ATG14: variants seen among roughly 807,000 people sequenced by gnomAD.
ATG14 encodes the protein beclin 1-associated autophagy-related key regulator.
ATG14 carries 35 observed loss-of-function variants against 60.4 expected under a neutral mutation model. That is an observed-to-expected ratio of 0.58 (90% CI 0.44 to 0.77). The LOEUF (loss-of-function observed/expected upper bound fraction) is 0.77, where lower values mean the gene tolerates loss of function less well. Among genes scored for constraint, ATG14 ranks in the 30% least tolerant of loss-of-function variants. ATG14 has a pLI of 0.00. For synonymous variants in ATG14, 234 were observed against 228.8 expected, an observed-to-expected ratio of 1.02 and a Z score of -0.21; for missense variants, 647 against 626.3, an observed-to-expected ratio of 1.03 and a Z score of -0.35.
In ATG14 at chr14:55,391,886, T is replaced by C. The variant is rs190678296; in HGVS notation, c.328-894A>G. On this transcript the variant is annotated intron_variant, in intron 3 of 9. Coordinates refer to ENST00000247178, the MANE Select transcript of ATG14 (RefSeq NM_014924.5). ...AATAAAAATGGCAAAAAACATTATT[T>C]TTTCAGTGCATAACTCAAGTAAGAT... Among the ~76,000 whole-genome samples the C allele has an allele frequency of 3.6e-3, 550 of 152,304 alleles. 2 individuals are homozygous for C. The highest frequency in any genetic ancestry group is 6.0e-3 in the Non-Finnish European group (408 of 68,014).
intron 9 of ATG14, among the ~76,000 whole-genome samples, chr14:55,375,808 G>A (rs1198796682): frequency 2.0e-5 from 3 of 152,126 alleles, no homozygotes; most frequent in Non-Finnish European, 4.4e-5. Flanking sequence ...TGTTAACACA[G>A]CACTGATAGT....
intron 5 of ATG14, among the ~76,000 whole-genome samples, chr14:55,385,070 G>A (rs933103318): frequency 7.2e-5 from 11 of 152,082 alleles, no homozygotes; most frequent in African/African-American, 2.2e-4. Context: ...TCTTAGCAGC[G>A]GTCACCAGGA....
chr14:55,383,460 A>G (rs971514273), intron 5 of ATG14, among the ~76,000 whole-genome samples: 2 of 152,156 alleles, frequency 1.3e-5, no homozygotes, highest in Non-Finnish European at 2.9e-5. Flanking sequence ...CTAAGGCAGG[A>G]GAATTGCTTG....
At chr14:55,377,721 GT>G in intron 9 of ATG14, 97 bp downstream of exon 9, 2 of 813,044 alleles carry the variant, frequency 2.5e-6, no homozygotes, top group Non-Finnish European at 3.8e-6. Flanking sequence ...GGTTTGAGGA[GT>G]TTGGGATTAG....
At chr14:55,385,154 A>G (rs1885101781) in intron 5 of ATG14, among the ~76,000 whole-genome samples, 1 of 152,226 alleles carries the variant, frequency 6.6e-6, no homozygotes, top group African/African-American at 2.4e-5. Context: ...TGTATTTGTC[A>G]TGATTTCTCT....
chr14:55,393,548 A>ATT (rs776111828), intron 3 of ATG14, among the ~76,000 whole-genome samples: 126 of 142,918 alleles, frequency 8.8e-4, no homozygotes, highest in African/African-American at 3.1e-3. Flanking sequence ...ATCTTTTCAG[A>ATT]TTTTTTTTTT....
intron 1 of ATG14, among the ~76,000 whole-genome samples, chr14:55,407,893 A>G (rs1885514865): frequency 6.6e-6 from 1 of 152,134 alleles, no homozygotes; most frequent in African/African-American, 2.4e-5. Flanking sequence ...CAAGGTATCA[A>G]TCAGGAGGAA....
Position 55,381,933 on chromosome 14 carries a change from T to C in ATG14, c.877+29A>G, listed in dbSNP as rs115525601. The stretch of plus-strand genomic sequence containing the variant: ...TTTTACCTATAACTCTCTCTATATA[T>C]AGATTTCAAAGGATATGCTGCTTCT... On this transcript the variant is annotated intron_variant, in intron 6 of 9. Transcript: ENST00000247178. 3,819 of 1,574,372 alleles carry C rather than the reference T, an allele frequency of 2.4e-3. 77 individuals carry two copies. The African/African-American group carries it at 0.042, about 17-fold the overall frequency.
At chr14:55,372,181 C>T (rs1040697177) in intron 9 of ATG14, among the ~76,000 whole-genome samples, 6 of 152,116 alleles carry the variant, frequency 3.9e-5, no homozygotes, top group Non-Finnish European at 5.9e-5. Context: ...CTCCTCCCCT[C>T]CCACCTCCCA....
intron 9 of ATG14, 22 bp from the exon 10 acceptor site, chr14:55,369,947 C>G: frequency 6.4e-7 from 1 of 1,569,140 alleles, no homozygotes; most frequent in African/African-American, 1.4e-5. Context: ...CAATGAGGGT[C>G]TCTTTAGGAT....
At chr14:55,391,068 C>A in intron 3 of ATG14, 76 bp from the exon 4 acceptor site, 1 of 951,794 alleles carries the variant, frequency 1.1e-6, no homozygotes. Flanking sequence ...GGGATCACTG[C>A]TTATTTTCAG....
chr14:55,397,451 CA>C lies in ATG14; in HGVS notation c.222-18del, dbSNP rs1885331806. ...TCGATAAACCTGTAACAAAAAAATT[CA>C]ATGTCTTATTTAAATGGTCATTTTT... On this transcript the variant is annotated intron_variant, in intron 1 of 9. Transcript: ENST00000247178. 2.5e-6 allele frequency: 4 copies of C among 1,598,810 alleles called. No homozygotes were observed. Among genetic ancestry groups the C allele is most frequent in the Non-Finnish European group, 3.4e-6 (4 of 1,166,864 alleles).
chr14:55,393,177 T>C (rs143440915), intron 3 of ATG14, among the ~76,000 whole-genome samples: 1,787 of 152,054 alleles, frequency 0.012, 16 homozygotes, highest in Non-Finnish European at 0.018. Flanking sequence ...GTCAGGAGAT[T>C]GAGACCATCC....
At chr14:55,379,380 A>G (rs1172034449) in intron 7 of ATG14, among the ~76,000 whole-genome samples, 10 of 151,952 alleles carry the variant, frequency 6.6e-5, no homozygotes, top group African/African-American at 1.9e-4. Flanking sequence ...ATACAAAAAA[A>G]TACAAAAAAA....
At position 55,398,511 on chromosome 14, in the gene ATG14, C is replaced by T. The variant is rs193089555; in HGVS notation, c.222-1077G>A. 4.8e-4 allele frequency among the ~76,000 whole-genome samples: 73 copies of T among 152,192 alleles called. No individual in the cohort carries two copies. In the East Asian group the frequency reaches 0.013, roughly 28 times the overall value. On this transcript the variant is annotated intron_variant, in intron 1 of 9. Coordinates refer to ENST00000247178, the MANE Select transcript of ATG14 (RefSeq NM_014924.5). Reference sequence around the variant, plus strand: ...AAACTTTTAATCTTCCATAAGAATCCTTCTTTTACCCATCCATTATTTAGA... The same window carrying T: ...AAACTTTTAATCTTCCATAAGAATCTTTCTTTTACCCATCCATTATTTAGA...
At chr14:55,407,110 C>T (rs2140154464) in intron 1 of ATG14, among the ~76,000 whole-genome samples, 1 of 152,026 alleles carries the variant, frequency 6.6e-6, no homozygotes, top group Middle Eastern at 3.4e-3. Flanking sequence ...TACAGGCCTG[C>T]AACACAACAC....
At chr14:55,384,875 G>C (rs552101130) in intron 5 of ATG14, among the ~76,000 whole-genome samples, 2 of 152,182 alleles carry the variant, frequency 1.3e-5, no homozygotes, top group African/African-American at 2.4e-5. Flanking sequence ...GCAGCATCAG[G>C]GAAGTTTAAA....
intron 1 of ATG14, among the ~76,000 whole-genome samples, chr14:55,400,199 A>T (rs1204935783): frequency 6.6e-6 from 1 of 152,192 alleles, no homozygotes; most frequent in Admixed American, 6.5e-5. Flanking sequence ...CCCACCACTC[A>T]CAGAAGGAGA....
At chr14:55,389,151 T>A (rs1296096926) in intron 4 of ATG14, among the ~76,000 whole-genome samples, 2 of 152,210 alleles carry the variant, frequency 1.3e-5, no homozygotes, top group African/African-American at 4.8e-5. Context: ...TGGTTGTTTT[T>A]GTTTTTGGGA....
Sources: allele counts gnomAD v4.1 joint callset (sites outside exome capture counted in the v4.1 genomes callset), GRCh38; gene constraint gnomAD v4.1.1; transcripts MANE v1.5; gene names NCBI Gene and HGNC (gene_info 2026-07-23, HGNC 2026-07-21).